RAB3IL1: variants seen among roughly 807,000 people sequenced by gnomAD.
The protein encoded by RAB3IL1 is guanine nucleotide exchange factor for Rab-3A.
In RAB3IL1, 37 loss-of-function variants were observed where a neutral mutation model predicts 49.2. That is an observed-to-expected ratio of 0.75 (90% CI 0.58 to 0.99). The LOEUF (loss-of-function observed/expected upper bound fraction) is 0.99, where lower values mean the gene tolerates loss of function less well. Ranked by LOEUF, RAB3IL1 falls within the 50% of genes least tolerant of loss-of-function variation. The probability of loss-of-function intolerance (pLI) is 0.00; values close to 1 mark genes in which losing one functional copy is unlikely to be tolerated. For synonymous variants in RAB3IL1, 193 were observed against 213.9 expected, an observed-to-expected ratio of 0.90 and a Z score of 0.85; for missense variants, 484 against 513.0, an observed-to-expected ratio of 0.94 and a Z score of 0.55.
chr11:61,927,908 C>T, the RAB3IL1 span, among the ~76,000 whole-genome samples: 2 of 152,184 alleles, frequency 1.3e-5, no homozygotes, highest in Non-Finnish European at 2.9e-5. Flanking sequence ...AACCTCTTTT[C>T]TTTATAAATT....
chr11:61,938,763 T>G, the RAB3IL1 span, among the ~76,000 whole-genome samples: 1 of 151,806 alleles, frequency 6.6e-6, no homozygotes, highest in African/African-American at 2.4e-5. Flanking sequence ...CTGTCTCTAC[T>G]AAAAATACAA....
upstream of RAB3IL1, among the ~76,000 whole-genome samples, chr11:61,922,433 A>C (rs1259009684): frequency 3.9e-5 from 6 of 151,928 alleles, no homozygotes; most frequent in Non-Finnish European, 7.4e-5. Context: ...GAGGCAGGAG[A>C]ATCGCTTGAA....
upstream of RAB3IL1, among the ~76,000 whole-genome samples, chr11:61,924,869 C>T (rs17156580): frequency 0.056 from 8,531 of 152,204 alleles, 245 homozygotes; most frequent in East Asian, 0.089. Context: ...AGAGATGAAA[C>T]CTGTTCACCC....
intron 1 of RAB3IL1, 33 bp downstream of exon 1, chr11:61,917,324 C>A: frequency 7.5e-7 from 1 of 1,337,096 alleles, no homozygotes; most frequent in Non-Finnish European, 9.6e-7. Context: ...CGGCCCAGAC[C>A]CAGCGCGGGA....
the RAB3IL1 span, among the ~76,000 whole-genome samples, chr11:61,942,168 A>G: frequency 1.3e-5 from 2 of 152,284 alleles, no homozygotes; most frequent in Non-Finnish European, 1.5e-5. Context: ...CCATGATCGC[A>G]CCACTGCACT....
At chr11:61,935,038 C>T in the RAB3IL1 span, among the ~76,000 whole-genome samples, 1 of 152,160 alleles carries the variant, frequency 6.6e-6, no homozygotes, top group East Asian at 1.9e-4. Flanking sequence ...AGAGTTGCTA[C>T]ATTTAAATAT....
the RAB3IL1 span, among the ~76,000 whole-genome samples, chr11:61,938,545 TTATATA>T: frequency 6.6e-6 from 1 of 152,130 alleles, no homozygotes; most frequent in African/African-American, 2.4e-5. Flanking sequence ...GATATAACAA[TTATATA>T]TTTCACCTAA....
At chr11:61,934,446 G>GTGTGTGTGTGTGTATATA in the RAB3IL1 span, among the ~76,000 whole-genome samples, 1 of 24,408 alleles carries the variant, frequency 4.1e-5, no homozygotes, top group Non-Finnish European at 1.2e-4. Context: ...GTGTGTGTGT[G>GTGTGTGTGTGTGTATATA]TATGTATATA....
In RAB3IL1 at chr11:61,904,439, CT is replaced by C. The variant is rs901835340; in HGVS notation, c.899+106del. The C allele has an allele frequency of 4.4e-6, 5 of 1,126,806 alleles. No individual in the cohort carries two copies. In the African/African-American group the frequency reaches 7.7e-5, roughly 17 times the overall value. The allele number at this position is 1,126,806 out of a possible 1,614,324, so 69.8% of individuals were successfully genotyped here. ...TGCCCTGTGGGGGCAGCAACTGTCC[CT>C]GTCCTGTCGGCGCTGCTGCATCCTG... On this transcript the variant is annotated intron_variant, in intron 7 of 9. Coordinates refer to ENST00000394836, the MANE Select transcript of RAB3IL1 (RefSeq NM_013401.4).
At chr11:61,918,546 T>C (rs1435782832), upstream of RAB3IL1, among the ~76,000 whole-genome samples, 3 of 152,250 alleles carry the variant, frequency 2.0e-5, no homozygotes, top group Non-Finnish European at 4.4e-5. Context: ...CATCTGAGCA[T>C]AGACTATGGG....
At chr11:61,903,886 T>A (rs2136029160) in intron 7 of RAB3IL1, among the ~76,000 whole-genome samples, 1 of 152,160 alleles carries the variant, frequency 6.6e-6, no homozygotes, top group East Asian at 1.9e-4. Context: ...AGGCTCTTTA[T>A]ACTCTGGCCC....
intron 4 of RAB3IL1, 109 bp downstream of exon 4, chr11:61,907,284 C>G (rs1220094882): frequency 8.4e-7 from 1 of 1,189,314 alleles, no homozygotes. Context: ...TCCTGCTGGC[C>G]CCACCGGGCC....
the RAB3IL1 span, among the ~76,000 whole-genome samples, chr11:61,930,539 G>A: frequency 6.6e-6 from 1 of 152,168 alleles, no homozygotes; most frequent in Non-Finnish European, 1.5e-5. Context: ...AGCACTTTGG[G>A]AGGCTGAGAA....
chr11:61,902,895 C>T (rs1396533164), intron 7 of RAB3IL1, among the ~76,000 whole-genome samples: 1 of 152,152 alleles, frequency 6.6e-6, no homozygotes, highest in Non-Finnish European at 1.5e-5. Flanking sequence ...ACTCCTCCCC[C>T]AACTAGGCCA....
intron 1 of RAB3IL1, 50 bp downstream of exon 1, chr11:61,917,307 G>T: frequency 7.4e-7 from 1 of 1,354,618 alleles, no homozygotes; most frequent in South Asian, 1.7e-5. Context: ...GTCCCGGGAG[G>T]CGACCGCGGC....
At chr11:61,924,961 G>GA (rs2134378943), upstream of RAB3IL1, among the ~76,000 whole-genome samples, 1 of 152,322 alleles carries the variant, frequency 6.6e-6, no homozygotes, top group East Asian at 1.9e-4. Flanking sequence ...CCTTCGGGGG[G>GA]AAAACATGAC....
upstream of RAB3IL1, chr11:61,920,058 C>T: frequency 7.9e-7 from 1 of 1,272,888 alleles, no homozygotes; most frequent in Non-Finnish European, 1.0e-6. Context: ...TGCCCCAGGG[C>T]TCTTCTCTCA....
intron 8 of RAB3IL1, among the ~76,000 whole-genome samples, chr11:61,901,177 G>A (rs571446331): frequency 3.9e-5 from 6 of 152,308 alleles, no homozygotes; most frequent in African/African-American, 1.2e-4. Context: ...CCTGCGAGGA[G>A]CCTCTAGCAG....
chr11:61,906,414 C>T lies in RAB3IL1; in HGVS notation c.657+52G>A. On this transcript the variant is annotated intron_variant, in intron 5 of 9. Transcript: ENST00000394836. This position sits in a 1 kb window ranked among gnomAD's most constrained non-coding sequence, Gnocchi z 4.6. ...CCTCACTGGGCTCGGACCCTGCCTA[C>T]CGCAGGCACTGCCACCCTTCCCCGT... 2 of 1,479,138 alleles carry T rather than the reference C, an allele frequency of 1.4e-6. No homozygotes were observed. The highest frequency in any genetic ancestry group is 1.8e-6 in the Non-Finnish European group (2 of 1,095,572). 91.6% of individuals were successfully genotyped at this position (1,479,138 alleles called of 1,614,324 possible).
Sources: gnomAD v4.1 joint callset for allele counts (sites outside exome capture counted in the v4.1 genomes callset) on GRCh38, gnomAD v4.1.1 for gene constraint, Gnocchi (gnomAD v3.1) non-coding constraint, MANE v1.5 for transcripts, NCBI Gene and HGNC (gene_info 2026-07-23, HGNC 2026-07-21) for gene names.